The following DSCAML1 variants were observed in gnomAD, a reference collection of about 807,000 sequenced individuals.
DSCAML1 encodes cell adhesion molecule DSCAML1.
In DSCAML1, 38 loss-of-function variants were observed where a neutral mutation model predicts 200.5. The observed-to-expected ratio is 0.19, with a 90% CI of 0.15 to 0.25. The LOEUF is 0.25. Among genes scored for constraint, DSCAML1 ranks in the 10% least tolerant of loss-of-function variants. DSCAML1 has a pLI of 1.00. For missense variants in DSCAML1, 2,223 were observed against 2,858.8 expected (o/e 0.78, Z 5.07); for synonymous variants, 1,215 against 1,165.0 (o/e 1.04, Z -0.87).
chr11:117,781,411 T>C (rs1419609599), intron 1 of DSCAML1, among the ~76,000 whole-genome samples: 2 of 152,160 alleles, frequency 1.3e-5, no homozygotes, highest in Admixed American at 1.3e-4. Context: ...AACCCATTGC[T>C]CCTAAAGAGG....
intron 18 of DSCAML1, 93 bp downstream of exon 18, chr11:117,461,357 G>T: frequency 6.4e-7 from 1 of 1,558,360 alleles, no homozygotes. Flanking sequence ...GCCAAGCTGT[G>T]GGAGGATGCT....
chr11:117,521,481 T>G, intron 5 of DSCAML1, 76 bp from the exon 6 acceptor site: 1 of 1,494,420 alleles, frequency 6.7e-7, no homozygotes, highest in Non-Finnish European at 9.0e-7. Flanking sequence ...GTGAGTGGAG[T>G]GTAGCTGGGG....
chr11:117,595,308 A>G (rs1028302470), intron 3 of DSCAML1, among the ~76,000 whole-genome samples: 4 of 152,224 alleles, frequency 2.6e-5, no homozygotes, highest in African/African-American at 7.2e-5. Flanking sequence ...AATTTGTTGT[A>G]AGAAATTTGG....
At chr11:117,465,742 T>TTGAATGAATGAA in intron 16 of DSCAML1, among the ~76,000 whole-genome samples, 1 of 150,472 alleles carries the variant, frequency 6.6e-6, no homozygotes, top group Admixed American at 6.6e-5. Flanking sequence ...TCAATACATA[T>TTGAATGAATGAA]TGAATGAATG....
chr11:117,809,957 ACACT>A (rs376902414), intron 1 of DSCAML1, among the ~76,000 whole-genome samples: 26 of 138,384 alleles, frequency 1.9e-4, no homozygotes, highest in African/African-American at 5.8e-4. Flanking sequence ...ACACATTCAC[ACACT>A]CACACATTCA....
rs1411885671 is a variant in DSCAML1, at chr11:117,486,305, G to A, written c.2360-4143C>T. 1.6e-3 allele frequency among the ~76,000 whole-genome samples: 187 copies of A among 120,392 alleles called. 1 individual carries two copies. In the East Asian group the frequency reaches 0.017, roughly 11 times the overall value. The allele number at this position is 120,392 out of a possible 152,430, so 79.0% of individuals were successfully genotyped here. ...GGATGTGAAAATGGCAGATGTGAAA[G>A]TAGTGGATGTGAAAGTAGCGGATGT... is the stretch of plus-strand genomic sequence containing the variant. On this transcript the variant is annotated intron_variant, in intron 11 of 32. Coordinates refer to ENST00000651296, the MANE Select transcript of DSCAML1 (RefSeq NM_020693.4).
chr11:117,601,022 C>T (rs1328748890), intron 3 of DSCAML1, among the ~76,000 whole-genome samples: 1 of 152,132 alleles, frequency 6.6e-6, no homozygotes, highest in South Asian at 2.1e-4. Flanking sequence ...CTGGATTTAT[C>T]GAACAAGATT....
At chr11:117,604,954 T>A (rs746303233) in intron 3 of DSCAML1, among the ~76,000 whole-genome samples, 8 of 152,250 alleles carry the variant, frequency 5.3e-5, no homozygotes, top group Non-Finnish European at 8.8e-5. Flanking sequence ...TGGCTGTGGG[T>A]TTCGGGAGGA....
chr11:117,793,731 C>A (rs570617192), intron 1 of DSCAML1, among the ~76,000 whole-genome samples: 9 of 152,280 alleles, frequency 5.9e-5, no homozygotes, highest in South Asian at 4.1e-4. Context: ...TCTGTCCAGT[C>A]CCCCGGGATC....
At chr11:117,439,168 T>A in intron 23 of DSCAML1, 98 bp downstream of exon 23, 2 of 1,515,276 alleles carry the variant, frequency 1.3e-6, no homozygotes, top group Non-Finnish European at 1.8e-6. Flanking sequence ...CTCCCTTGGT[T>A]TGGCTTCTTC....
intron 3 of DSCAML1, among the ~76,000 whole-genome samples, chr11:117,690,976 C>T (rs1240077811): frequency 6.6e-6 from 1 of 152,144 alleles, no homozygotes; most frequent in South Asian, 2.1e-4. Flanking sequence ...GCCAGAAAAC[C>T]TCCCTAGGGC....
intron 3 of DSCAML1, among the ~76,000 whole-genome samples, chr11:117,729,188 A>C (rs1419692225): frequency 1.3e-5 from 2 of 152,244 alleles, no homozygotes; most frequent in African/African-American, 2.4e-5. Context: ...TGTTTTCAAC[A>C]AGTGGTGCTA....
intron 3 of DSCAML1, among the ~76,000 whole-genome samples, chr11:117,772,077 G>C (rs916831066): frequency 6.6e-6 from 1 of 152,118 alleles, no homozygotes; most frequent in Non-Finnish European, 1.5e-5. Flanking sequence ...GTCTGGCCTC[G>C]TGGAAGAGGG....
At chr11:117,522,333 C>T (rs1202229207) in intron 5 of DSCAML1, among the ~76,000 whole-genome samples, 1 of 152,222 alleles carries the variant, frequency 6.6e-6, no homozygotes, top group African/African-American at 2.4e-5. Flanking sequence ...TTGTGTCTGT[C>T]TCCCTTTCCC....
At chr11:117,557,840 G>A (rs1022265263) in intron 3 of DSCAML1, among the ~76,000 whole-genome samples, 2 of 106,384 alleles carry the variant, frequency 1.9e-5, no homozygotes, top group African/African-American at 3.6e-5. Context: ...GGTTCTCAAC[G>A]AGGGGTGATT....
chr11:117,573,865 C>T (rs897618067), intron 3 of DSCAML1, among the ~76,000 whole-genome samples: 4 of 152,200 alleles, frequency 2.6e-5, no homozygotes, highest in Non-Finnish European at 4.4e-5. Context: ...GGGCCCCTGG[C>T]ACAGCTGAAG....
chr11:117,507,772 C>T (rs1463930576), intron 8 of DSCAML1, among the ~76,000 whole-genome samples: 1 of 152,164 alleles, frequency 6.6e-6, no homozygotes, highest in Non-Finnish European at 1.5e-5. Flanking sequence ...CACCTTATTC[C>T]AGATCCACCT....
chr11:117,464,162 G>T (rs1231057448), intron 17 of DSCAML1, among the ~76,000 whole-genome samples: 1 of 152,140 alleles, frequency 6.6e-6, no homozygotes, highest in South Asian at 2.1e-4. Context: ...GACTCGGGGG[G>T]CTTTGGCCTC....
Position 117,437,347 on chromosome 11 carries a change from T to C in DSCAML1, c.4495A>G (p.Asn1499Asp), listed in dbSNP as rs756243903. 1.5e-5 allele frequency: 24 copies of C among 1,614,106 alleles called. No homozygotes were observed. The highest frequency in any genetic ancestry group is 1.9e-5 in the Non-Finnish European group (23 of 1,180,050). ...CCCCCATTGTTCCAGCCCTGCAGGT[T>C]AAGCCGAGCATGCGTGGAGTTGATG... Reference protein sequence around the residue: ...THINSTHARLNLQGWNNGGCP... With the variant: ...THINSTHARLDLQGWNNGGCP... The change falls in exon 26 of 33, where the codon AAC becomes GAC. Residue 1499 changes from asparagine to aspartate, a missense_variant. Physicochemically the swap from Asn to Asp is conservative, Grantham distance 23. Around this residue, in one of 7 missense-constraint regions of DSCAML1, gnomAD observed 614 missense variants for 739.1 expected, o/e 0.83. Transcript: ENST00000651296. The surrounding 1 kb of genome is among the most constrained non-coding windows in gnomAD (Gnocchi z 5.3).
Sources: allele counts gnomAD v4.1 joint callset (sites outside exome capture counted in the v4.1 genomes callset), GRCh38; gene constraint gnomAD v4.1.1; regional missense constraint gnomAD v4.1.1; non-coding constraint Gnocchi (gnomAD v3.1); transcripts MANE v1.5; gene names NCBI Gene and HGNC (gene_info 2026-07-23, HGNC 2026-07-21).